PRMT5: variants seen among roughly 807,000 people sequenced by gnomAD.
PRMT5 encodes the protein protein arginine methyltransferase 5.
A neutral mutation model predicts 84.0 loss-of-function variants in PRMT5; 15 were observed. The ratio of observed to expected loss-of-function variants is 0.18; its 90% CI spans 0.12 to 0.28. PRMT5 has a LOEUF of 0.28. Ranked by LOEUF, PRMT5 falls within the 10% of genes least tolerant of loss-of-function variation. PRMT5 has a pLI of 1.00. For synonymous variants in PRMT5, 276 were observed against 292.4 expected, an observed-to-expected ratio of 0.94 and a Z score of 0.57; for missense variants, 486 against 808.0, an observed-to-expected ratio of 0.60 and a Z score of 4.83.
intron 1 of PRMT5, chr14:22,929,048 T>C (rs1379935323): frequency 1.4e-5 from 18 of 1,308,258 alleles, no homozygotes; most frequent in Non-Finnish European, 1.9e-5. Flanking sequence ...TCTCCCAACT[T>C]TGGGACTCAG....
At position 22,923,355 on chromosome 14, in the gene PRMT5, T is replaced by C. The variant is rs1041921565; in HGVS notation, c.1376-195A>G. 2 of 525,298 alleles carry C rather than the reference T, an allele frequency of 3.8e-6. No homozygotes were observed. Among genetic ancestry groups the C allele is most frequent in the Non-Finnish European group, 6.7e-6 (2 of 298,156 alleles). The allele number at this position is 525,298 out of a possible 1,614,324, so 32.5% of individuals were successfully genotyped here. On this transcript the variant is annotated intron_variant, in intron 12 of 16. Coordinates refer to ENST00000324366, the MANE Select transcript of PRMT5 (RefSeq NM_006109.5). The surrounding 1 kb of genome is among the most constrained non-coding windows in gnomAD (Gnocchi z 5.2). The stretch of plus-strand genomic sequence containing the variant: ...CAACTACTGTCATGGAGGATTCCAC[T>C]ACTAGGTTAATTTACAGAGTCACAC...
Position 22,923,988 on chromosome 14 carries a change from A to C in PRMT5, c.1375+20T>G. On this transcript the variant is annotated intron_variant, in intron 12 of 16. Coordinates refer to ENST00000324366, the MANE Select transcript of PRMT5 (RefSeq NM_006109.5). The surrounding 1 kb of genome is among the most constrained non-coding windows in gnomAD (Gnocchi z 5.2). ...TCTCACCCATCATCACCCTCCACCTACACCCCAACCTGGGGGCACCTTTTA... is the reference window on the plus strand; with the variant it reads ...TCTCACCCATCATCACCCTCCACCTCCACCCCAACCTGGGGGCACCTTTTA... 6.5e-7 allele frequency: 1 copy of C among 1,537,598 alleles called. No homozygotes were observed. Among genetic ancestry groups the C allele is most frequent in the Non-Finnish European group, 8.7e-7 (1 of 1,145,342 alleles).
intron 7 of PRMT5, 29 bp downstream of exon 7, chr14:22,926,104 A>T: frequency 6.4e-7 from 1 of 1,568,960 alleles, no homozygotes; most frequent in South Asian, 1.1e-5. Context: ...GTATAGCTGG[A>T]CTACCTTTAG....
chr14:22,928,014 G>A lies in PRMT5; in HGVS notation c.315+112C>T. The A allele has an allele frequency of 1.0e-6, 1 of 983,586 alleles. No homozygotes were observed. The highest frequency in any genetic ancestry group is 1.6e-5 in the South Asian group (1 of 63,676). The allele number at this position is 983,586 out of a possible 1,614,324, so 60.9% of individuals were successfully genotyped here. A position where few individuals can be genotyped will look rare whatever the true frequency, so the allele number is the denominator to read the frequency against. On this transcript the variant is annotated intron_variant, in intron 3 of 16. Transcript: ENST00000324366. The surrounding 1 kb of genome is among the most constrained non-coding windows in gnomAD (Gnocchi z 4.8). ...GTGCACCACAGCACCCAGCCTAATA[G>A]CTTTAATTTCATTCTATCAGTTAAT...
chr14:22,926,614 G>A, intron 5 of PRMT5, 59 bp from the exon 6 acceptor site: 1 of 1,606,576 alleles, frequency 6.2e-7, no homozygotes, highest in Non-Finnish European at 8.5e-7. Flanking sequence ...AATCACCACA[G>A]CTCAAGGAGA....
intron 13 of PRMT5, 78 bp downstream of exon 13, chr14:22,922,971 GAA>G: frequency 2.1e-6 from 3 of 1,422,090 alleles, no homozygotes; most frequent in Non-Finnish European, 2.9e-6. Flanking sequence ...ATCCCCAGCA[GAA>G]GAAAATAGCT....
chr14:22,922,385 A>G (rs550766929), intron 15 of PRMT5, 58 bp downstream of exon 15: 15 of 1,470,054 alleles, frequency 1.0e-5, no homozygotes, highest in Middle Eastern at 1.7e-4. Flanking sequence ...ACATGTACAT[A>G]TAAGCTGCCC....
At position 22,920,987 on chromosome 14, in the gene PRMT5, CCTT is replaced by C. The variant is rs2044274430; in HGVS notation, c.1828_1830del (p.Lys610del). On this transcript the variant is annotated inframe_deletion, in exon 17 of 17. Coordinates refer to ENST00000324366, the MANE Select transcript of PRMT5 (RefSeq NM_006109.5). ...GCTGTCACAGCCCACTCATACCACACCTTCTTGGAATTGCTGCATCGCCAGAAA... is the reference window on the plus strand; with the variant it reads ...GCTGTCACAGCCCACTCATACCACACCTTGGAATTGCTGCATCGCCAGAAA... The C allele has an allele frequency of 1.2e-6, 2 of 1,614,228 alleles. No individual in the cohort carries two copies. Among genetic ancestry groups the C allele is most frequent in the Non-Finnish European group, 8.5e-7 (1 of 1,180,046 alleles).
At chr14:22,925,108 C>A in intron 7 of PRMT5, 68 bp from the exon 8 acceptor site, 1 of 1,530,186 alleles carries the variant, frequency 6.5e-7, no homozygotes, top group South Asian at 1.2e-5. Flanking sequence ...TGGTATATGG[C>A]CAAAGAGCCC....
Position 22,922,532 on chromosome 14 carries a change from C to T in PRMT5, c.1607G>A (p.Cys536Tyr). 6.2e-7 allele frequency: 1 copy of T among 1,614,046 alleles called. No homozygotes were observed. Among genetic ancestry groups the T allele is most frequent in the Non-Finnish European group, 8.5e-7 (1 of 1,179,948 alleles). Residue 536 changes from cysteine to tyrosine, a missense_variant, in exon 15 of 17, where the codon TGC becomes TAC. Physicochemically the swap from Cys to Tyr is radical, Grantham distance 194 (BLOSUM62 -2). This residue lies in a region of PRMT5 where 219 missense variants were observed against 433.6 expected (regional missense o/e 0.51). Transcript: ENST00000324366. ...RDPMIDNNRYCTLEFPVEVNT... is the reference protein window; with the variant it reads ...RDPMIDNNRYYTLEFPVEVNT... The stretch of plus-strand genomic sequence containing the variant: ...CACCTCCACAGGAAATTCCAAGGTG[C>T]AATAGCGGTTGTTGTCAATCATAGG...
intron 7 of PRMT5, among the ~76,000 whole-genome samples, chr14:22,925,676 G>A (rs758637361): frequency 2.0e-5 from 3 of 151,904 alleles, no homozygotes; most frequent in Admixed American, 6.6e-5. Flanking sequence ...AAAATTAGCC[G>A]GGCAGTAGTG....
Position 22,926,155 on chromosome 14 carries a change from C to A in PRMT5, c.755G>T (p.Arg252Met). Residue 252 changes from arginine to methionine, a missense_variant, in exon 7 of 17, where the codon AGG becomes ATG. Physicochemically the swap from Arg to Met is moderately conservative, Grantham distance 91. Transcript: ENST00000324366. Reference protein sequence around the residue: ...GFPVLSKMHQRLIFRLLKLEV... With the variant: ...GFPVLSKMHQMLIFRLLKLEV... ...CACCTTGAGGAGCCGGAAGATGAGC[C>A]TCTGGTGCATCTTAGAAAGAACAGG... 6.2e-7 allele frequency: 1 copy of A among 1,612,474 alleles called. No individual in the cohort carries two copies.
At chr14:22,926,484 C>T in intron 6 of PRMT5, 22 bp downstream of exon 6, 1 of 1,613,758 alleles carries the variant, frequency 6.2e-7, no homozygotes, top group African/African-American at 1.3e-5. Context: ...CCACACCCAT[C>T]CCAGGATTCT....
Position 22,929,250 on chromosome 14 carries a change from A to G in PRMT5, c.110+2T>C. The G allele has an allele frequency of 6.2e-7, 1 of 1,613,566 alleles. No individual in the cohort carries two copies. Among genetic ancestry groups the G allele is most frequent in the Non-Finnish European group, 8.5e-7 (1 of 1,179,928 alleles). ...TTCCGCTCGTGGAGGTCCGGCCCTC[A>G]CCCCTGCTTGGCCACAGCCCCTAGT... On this transcript the variant is annotated splice_donor_variant, in intron 1 of 16. Transcript: ENST00000324366. LOFTEE classifies it high-confidence loss of function.
chr14:22,925,998 G>C, intron 7 of PRMT5, 135 bp downstream of exon 7: 2 of 984,804 alleles, frequency 2.0e-6, no homozygotes, highest in Non-Finnish European at 3.0e-6. Flanking sequence ...TTGTTCTCAA[G>C]ATTCCCAACT....
intron 7 of PRMT5, 111 bp from the exon 8 acceptor site, chr14:22,925,151 C>CT (rs374875840): frequency 0.024 from 20,383 of 862,336 alleles, 1 homozygote; most frequent in Middle Eastern, 0.026. Flanking sequence ...CAACAGTTCT[C>CT]TTTTTTTTTT....
chr14:22,929,160 C>G, intron 1 of PRMT5, 92 bp downstream of exon 1: 1 of 1,614,062 alleles, frequency 6.2e-7, no homozygotes, highest in Non-Finnish European at 8.5e-7. Context: ...CTAGCCGACC[C>G]CCTCACCCCT....
rs762801242 is a variant in PRMT5 at position 22,925,059 on chromosome 14, C to A, written c.778-19G>T. The A allele has an allele frequency of 6.2e-7, 1 of 1,611,842 alleles. No homozygotes were observed. The highest frequency in any genetic ancestry group is 1.3e-5 in the African/African-American group (1 of 74,924). On this transcript the variant is annotated intron_variant, in intron 7 of 16. Transcript: ENST00000324366. ...CCTCCAACTGTGAGAAAAGTCAGACCATCAGACACAGCCCTCAAACCAAGA... is the reference window on the plus strand; with the variant it reads ...CCTCCAACTGTGAGAAAAGTCAGACAATCAGACACAGCCCTCAAACCAAGA...
Position 22,924,764 on chromosome 14 carries a change from C to A in PRMT5, c.940-55G>T. The A allele has an allele frequency of 6.3e-7, 1 of 1,592,576 alleles. No individual in the cohort carries two copies. Among genetic ancestry groups the A allele is most frequent in the South Asian group, 1.1e-5 (1 of 88,914 alleles). ...CCAGTTTCTGGCAAAGGACAATGCA[C>A]TAAAATATCAAAAACTTTCCACTGC... On this transcript the variant is annotated intron_variant, in intron 8 of 16. Transcript: ENST00000324366. This position sits in a 1 kb window ranked among gnomAD's most constrained non-coding sequence, Gnocchi z 6.5.
Sources: gnomAD v4.1 joint callset for allele counts (sites outside exome capture counted in the v4.1 genomes callset) on GRCh38, gnomAD v4.1.1 for gene constraint, gnomAD v4.1.1 regional missense constraint, Gnocchi (gnomAD v3.1) non-coding constraint, MANE v1.5 for transcripts, NCBI Gene and HGNC (gene_info 2026-07-23, HGNC 2026-07-21) for gene names.